Variants in MIPOL1 observed in about 807,000 individuals in gnomAD.
The protein encoded by MIPOL1 is mirror-image polydactyly 1, also known as mirror-image polydactyly gene 1 protein.
In MIPOL1, 57 loss-of-function variants were observed where a neutral mutation model predicts 60.9. That is an observed-to-expected ratio of 0.94 (90% CI 0.76 to 1.17). MIPOL1 has a LOEUF of 1.17. Ranked by LOEUF, MIPOL1 falls within the 50% of genes most tolerant of loss-of-function variation. The pLI is 0.00. For missense variants in MIPOL1, 551 were observed against 511.6 expected (o/e 1.08, Z -0.74); for synonymous variants, 179 against 168.8 (o/e 1.06, Z -0.47).
At chr14:37,285,547 T>A in intron 7 of MIPOL1, 100 bp downstream of exon 7, 7 of 1,195,984 alleles carry the variant, frequency 5.9e-6, no homozygotes, top group Non-Finnish European at 8.1e-6. Context: ...TATGCTTATG[T>A]GTTACACTAG....
intron 9 of MIPOL1, among the ~76,000 whole-genome samples, chr14:37,350,385 TTTTTC>T (rs1448755864): frequency 3.3e-5 from 5 of 152,236 alleles, no homozygotes; most frequent in Non-Finnish European, 5.9e-5. Flanking sequence ...CCCATTCTGC[TTTTTC>T]TTTTCTTTTC....
rs760346967 is a variant in MIPOL1 at position 37,285,355 on chromosome 14, T to A, written c.531T>A (p.Arg177=). ...AAGTGTATTTTGCGCAGAAGGAACG[T>A]GATGAAGCTGTTATGTCTAGACTGC... ...VEEVYFAQKE[R]DEAVMSRLQL... The change falls in exon 7 of 13, where the codon CGT becomes CGA. Residue 177 remains arginine, a synonymous_variant. Transcript: ENST00000684589. The A allele has an allele frequency of 1.2e-5, 19 of 1,613,880 alleles. No individual in the cohort carries two copies. The South Asian group carries it at 2.1e-4, about 18-fold the overall frequency.
chr14:37,312,977 T>C (rs2087496057), intron 9 of MIPOL1, among the ~76,000 whole-genome samples: 1 of 152,152 alleles, frequency 6.6e-6, no homozygotes, highest in African/African-American at 2.4e-5. Flanking sequence ...TTTTATAGAA[T>C]TATAGAATTT....
chr14:37,488,277 G>T (rs1158112889), intron 11 of MIPOL1, among the ~76,000 whole-genome samples: 1 of 152,168 alleles, frequency 6.6e-6, no homozygotes, highest in Non-Finnish European at 1.5e-5. Flanking sequence ...TGCAATAGGT[G>T]CTGAGAAGAA....
intron 1 of MIPOL1, among the ~76,000 whole-genome samples, chr14:37,238,523 G>A (rs768395440): frequency 6.6e-6 from 1 of 152,090 alleles, no homozygotes; most frequent in Non-Finnish European, 1.5e-5. Context: ...CATTTTATTT[G>A]AATTTGAGAG....
intron 7 of MIPOL1, among the ~76,000 whole-genome samples, chr14:37,294,199 G>C (rs745592059): frequency 2.0e-5 from 3 of 152,116 alleles, no homozygotes; most frequent in Admixed American, 6.5e-5. Flanking sequence ...AGGCAAACAG[G>C]GTCTGGAGTG....
chr14:37,252,724 GT>G (rs1181362532), intron 3 of MIPOL1, among the ~76,000 whole-genome samples: 1 of 151,830 alleles, frequency 6.6e-6, no homozygotes, highest in African/African-American at 2.4e-5. Flanking sequence ...CTGCAATTCT[GT>G]AATTGAATTA....
intron 11 of MIPOL1, among the ~76,000 whole-genome samples, chr14:37,469,911 A>G (rs1299032136): frequency 2.0e-5 from 3 of 152,122 alleles, no homozygotes; most frequent in Non-Finnish European, 2.9e-5. Context: ...TTTGTAAACT[A>G]CCCAGTCTGT....
Position 37,242,960 on chromosome 14 carries a change from G to A in MIPOL1, c.-198-4143G>A, listed in dbSNP as rs529288581. On this transcript the variant is annotated intron_variant, in intron 1 of 12. Coordinates refer to ENST00000684589, the MANE Select transcript of MIPOL1 (RefSeq NM_001388067.1). Reference sequence around the variant, plus strand: ...TAGAGATCTAGAAGAGAGAATTCTAGGCATAGAGTATAATAGCAAGATAAA... The same window carrying A: ...TAGAGATCTAGAAGAGAGAATTCTAAGCATAGAGTATAATAGCAAGATAAA... 7.2e-4 allele frequency among the ~76,000 whole-genome samples: 109 copies of A among 152,204 alleles called. 1 individual carries two copies. Among genetic ancestry groups the A allele is most frequent in the African/African-American group, 2.4e-3 (99 of 41,548 alleles).
At chr14:37,500,610 T>C (rs1344209085) in intron 12 of MIPOL1, among the ~76,000 whole-genome samples, 1 of 152,220 alleles carries the variant, frequency 6.6e-6, no homozygotes, top group Non-Finnish European at 1.5e-5. Flanking sequence ...TATTCAATAC[T>C]GCTTTTCACA....
At chr14:37,349,549 T>C (rs2091198297) in intron 9 of MIPOL1, among the ~76,000 whole-genome samples, 1 of 152,172 alleles carries the variant, frequency 6.6e-6, no homozygotes, top group Non-Finnish European at 1.5e-5. Context: ...CCTTTGCACT[T>C]ACTGTTCCTT....
chr14:37,519,763 T>A (rs1302997672), intron 12 of MIPOL1, among the ~76,000 whole-genome samples: 1 of 152,160 alleles, frequency 6.6e-6, no homozygotes, highest in Admixed American at 6.5e-5. Context: ...TAAGTTATCC[T>A]GACTTGTATG....
intron 9 of MIPOL1, among the ~76,000 whole-genome samples, chr14:37,331,844 C>T (rs151161599): frequency 8.9e-4 from 136 of 152,140 alleles, no homozygotes; most frequent in African/African-American, 2.9e-3. Flanking sequence ...TTGTCTTGTT[C>T]GAGATCTTAC....
At chr14:37,509,505 G>C (rs958186806) in intron 12 of MIPOL1, among the ~76,000 whole-genome samples, 1 of 151,866 alleles carries the variant, frequency 6.6e-6, no homozygotes, top group Non-Finnish European at 1.5e-5. Flanking sequence ...TTATAGAACA[G>C]GATAGATGAC....
intron 1 of MIPOL1, among the ~76,000 whole-genome samples, chr14:37,218,821 A>G (rs1178195354): frequency 6.6e-6 from 1 of 150,600 alleles, no homozygotes; most frequent in Non-Finnish European, 1.5e-5. Context: ...GCTAGTCAGG[A>G]GGCTGAGGTG....
chr14:37,199,137 G>A (rs1266880614), intron 1 of MIPOL1, among the ~76,000 whole-genome samples: 2 of 152,120 alleles, frequency 1.3e-5, no homozygotes, highest in African/African-American at 2.4e-5. Flanking sequence ...AAAGTATAAA[G>A]ACATACAGAA....
At chr14:37,214,456 G>A (rs1967238357) in intron 1 of MIPOL1, among the ~76,000 whole-genome samples, 1 of 152,168 alleles carries the variant, frequency 6.6e-6, no homozygotes, top group Non-Finnish European at 1.5e-5. Flanking sequence ...TGGGCGGCAA[G>A]CCACCCAGGT....
chr14:37,470,962 G>A (rs924963730), intron 11 of MIPOL1, among the ~76,000 whole-genome samples: 5 of 152,092 alleles, frequency 3.3e-5, no homozygotes, highest in African/African-American at 9.7e-5. Context: ...TTGGGAGGTG[G>A]GTGAGGGTTG....
intron 11 of MIPOL1, among the ~76,000 whole-genome samples, chr14:37,484,754 T>G (rs921062277): frequency 2.0e-5 from 3 of 152,204 alleles, no homozygotes; most frequent in Non-Finnish European, 2.9e-5. Flanking sequence ...CTCTTATTCT[T>G]TCTCTGTCCC....
Sources: allele counts gnomAD v4.1 joint callset (sites outside exome capture counted in the v4.1 genomes callset), GRCh38; gene constraint gnomAD v4.1.1; transcripts MANE v1.5; gene names NCBI Gene and HGNC (gene_info 2026-07-23, HGNC 2026-07-21).